The following KLF4 variants were observed in gnomAD, a reference collection of about 807,000 sequenced individuals.
KLF4 encodes the protein KLF transcription factor 4.
KLF4 carries 14 observed loss-of-function variants against 38.0 expected under a neutral mutation model. The ratio of observed to expected loss-of-function variants is 0.37; its 90% CI spans 0.24 to 0.58. The LOEUF is 0.58. KLF4 is among the 20% of genes least tolerant of loss of function. The pLI is 0.76. For missense variants in KLF4, 737 were observed against 670.1 expected (o/e 1.10, Z -1.10); for synonymous variants, 398 against 302.5 (o/e 1.32, Z -3.28).
chr9:107,488,531 C>A lies in KLF4; in HGVS notation c.127-264G>T. The A allele has an allele frequency of 1.8e-6, 1 of 552,572 alleles. No individual in the cohort carries two copies. The highest frequency in any genetic ancestry group is 2.7e-5 in the South Asian group (1 of 37,248). The allele number at this position is 552,572 out of a possible 1,614,324, so 34.2% of individuals were successfully genotyped here. Reference sequence around the variant, plus strand: ...AGCGCCGCGGCTGGTCCCTCCCCCTCCAGGTCCCGTGGACGTCCCCGGAAT... The same window carrying A: ...AGCGCCGCGGCTGGTCCCTCCCCCTACAGGTCCCGTGGACGTCCCCGGAAT... On this transcript the variant is annotated intron_variant, in intron 2 of 4. Transcript: ENST00000374672. This position sits in a 1 kb window ranked among gnomAD's most constrained non-coding sequence, Gnocchi z 5.7.
rs755471703 is a variant in KLF4 at position 107,487,955 on chromosome 9, T to C, written c.439A>G (p.Thr147Ala). ...CGGATCGGATAGGTGAAGCTGCAGG[T>C]GGAGGGCGCGCTGGCAGGGCCGCTG... The part of the protein sequence containing the change: ...SSSGPASAPS[T>A]CSFTYPIRAG... Residue 147 changes from threonine (T) to alanine (A), a missense_variant, in exon 3 of 5, where the codon ACC becomes GCC. By Grantham distance (58) the Thr-to-Ala change is moderately conservative (BLOSUM62 0). Coordinates refer to ENST00000374672, the MANE Select transcript of KLF4 (RefSeq NM_004235.6). The surrounding 1 kb of genome is among the most constrained non-coding windows in gnomAD (Gnocchi z 6.1). 3 of 1,582,934 alleles carry C rather than the reference T, an allele frequency of 1.9e-6. No individual in the cohort carries two copies. Among genetic ancestry groups the C allele is most frequent in the Admixed American group, 3.7e-5 (2 of 54,548 alleles).
At position 107,489,661 on chromosome 9, in the gene KLF4, G is replaced by A. The variant is rs1394788269; in HGVS notation, c.-489C>T. 1.7e-5 allele frequency: 2 copies of A among 120,420 alleles called. No individual in the cohort carries two copies. The highest frequency in any genetic ancestry group is 3.3e-5 in the Non-Finnish European group (2 of 60,950). The allele number at this position is 120,420 out of a possible 1,614,324, so 7.5% of individuals were successfully genotyped here. A position where few individuals can be genotyped will look rare whatever the true frequency, so the allele number is the denominator to read the frequency against. Reference sequence around the variant, plus strand: ...GCGGGTGGGAGGGTGGGGGGCCAGAGGGGCGGGGGAGGGTCACTCGGCGGC... The same window carrying A: ...GCGGGTGGGAGGGTGGGGGGCCAGAAGGGCGGGGGAGGGTCACTCGGCGGC... On this transcript the variant is annotated 5_prime_UTR_variant, in exon 1 of 5. Coordinates refer to ENST00000374672, the MANE Select transcript of KLF4 (RefSeq NM_004235.6).
rs563209530 is a variant in KLF4 at position 107,489,256 on chromosome 9, G to A, written c.-84C>T. 4 of 1,417,490 alleles carry A rather than the reference G, an allele frequency of 2.8e-6. No homozygotes were observed. Among genetic ancestry groups the A allele is most frequent in the South Asian group, 3.1e-5 (2 of 64,028 alleles). 87.8% of individuals were successfully genotyped at this position (1,417,490 alleles called of 1,614,324 possible). Reference sequence around the variant, plus strand: ...AAAGTCAACGAAGAGAAGAAACGAAGCCAAAACCCAAAACCCCAAATTGGC... The same window carrying A: ...AAAGTCAACGAAGAGAAGAAACGAAACCAAAACCCAAAACCCCAAATTGGC... On this transcript the variant is annotated 5_prime_UTR_variant, in exon 1 of 5. Transcript: ENST00000374672.
rs1829039808 is a variant in KLF4, at chr9:107,485,240, A to G, written c.*511T>C. On this transcript the variant is annotated 3_prime_UTR_variant, in exon 5 of 5. Coordinates refer to ENST00000374672, the MANE Select transcript of KLF4 (RefSeq NM_004235.6). The surrounding 1 kb of genome is among the most constrained non-coding windows in gnomAD (Gnocchi z 4.9). Reference sequence around the variant, plus strand: ...GAAAACTTTGGCTTCCTTGTTTGGTACCTTTAGAACCAAGACTCACCAAGC... The same window carrying G: ...GAAAACTTTGGCTTCCTTGTTTGGTGCCTTTAGAACCAAGACTCACCAAGC... The G allele has an allele frequency of 9.5e-6, 2 of 210,230 alleles. No homozygotes were observed. The highest frequency in any genetic ancestry group is 1.5e-4 in the East Asian group (2 of 13,646). The allele number at this position is 210,230 out of a possible 1,614,324, so 13.0% of individuals were successfully genotyped here. A position where few individuals can be genotyped will look rare whatever the true frequency, so the allele number is the denominator to read the frequency against.
At position 107,488,471 on chromosome 9, in the gene KLF4, G is replaced by A. The variant is rs1829129195; in HGVS notation, c.127-204C>T. 3.3e-6 allele frequency: 3 copies of A among 917,734 alleles called. No individual in the cohort carries two copies. The highest frequency in any genetic ancestry group is 3.2e-6 in the Non-Finnish European group (2 of 629,754). The allele number at this position is 917,734 out of a possible 1,614,324, so 56.8% of individuals were successfully genotyped here. A position where few individuals can be genotyped will look rare whatever the true frequency, so the allele number is the denominator to read the frequency against. On this transcript the variant is annotated intron_variant, in intron 2 of 4. Coordinates refer to ENST00000374672, the MANE Select transcript of KLF4 (RefSeq NM_004235.6). The surrounding 1 kb of genome is among the most constrained non-coding windows in gnomAD (Gnocchi z 5.7). ...AAGAGGTGATGCGTCTGTATTGCGG[G>A]TGTTATGTCCTGTCTGCCCAATTGC...
rs775264644 is a variant in KLF4 at position 107,487,620 on chromosome 9, G to C, written c.774C>G (p.Ser258Arg). ...TGTAGGGCGCCACCACCACCGGGTG[G>C]CTGCCGTCAGGGCTGCCTTTGCTGA... ...ISVSKGSPDG[S>R]HPVVVAPYNG... Residue 258 changes from serine to arginine, a missense_variant, in exon 3 of 5, where the codon AGC (serine) becomes AGG (arginine). This residue lies in a region of KLF4 where 695 missense variants were observed against 554.5 expected (regional missense o/e 1.25). Coordinates refer to ENST00000374672, the MANE Select transcript of KLF4 (RefSeq NM_004235.6). The surrounding 1 kb of genome is among the most constrained non-coding windows in gnomAD (Gnocchi z 6.1). The C allele has an allele frequency of 6.9e-6, 11 of 1,601,650 alleles. No homozygotes were observed. The highest frequency in any genetic ancestry group is 9.3e-6 in the Non-Finnish European group (11 of 1,178,064).
Position 107,487,068 on chromosome 9 carries a change from T to C in KLF4, c.1224A>G (p.Thr408=), listed in dbSNP as rs146202676. The C allele has an allele frequency of 1.2e-4, 200 of 1,614,128 alleles. 1 individual carries two copies. In the East Asian group the frequency reaches 4.4e-3, roughly 35 times the overall value. Residue 408 remains threonine (T), a synonymous_variant, in exon 4 of 5, where the codon ACA becomes ACG. Coordinates refer to ENST00000374672, the MANE Select transcript of KLF4 (RefSeq NM_004235.6). This position sits in a 1 kb window ranked among gnomAD's most constrained non-coding sequence, Gnocchi z 6.1. ...GGTGTGCCTTGAGATGGGAACTCTT[T>C]GTGTAGGTTTTGCCGCAGCCCGCGT... ...CDYAGCGKTY[T]KSSHLKAHLR...
At position 107,487,683 on chromosome 9, in the gene KLF4, G is replaced by A. The variant is rs374567472; in HGVS notation, c.711C>T (p.Ala237=). The change falls in exon 3 of 5, where the codon GCC becomes GCT. Residue 237 remains alanine (A), a synonymous_variant. Coordinates refer to ENST00000374672, the MANE Select transcript of KLF4 (RefSeq NM_004235.6). This position sits in a 1 kb window ranked among gnomAD's most constrained non-coding sequence, Gnocchi z 6.1. ...GKFVLKASLS[A]PGSEYGSPSV... is the part of the protein sequence containing the mutation. Reference sequence around the variant, plus strand: ...ACGGGCTGCCGTACTCGCTGCCAGGGGCGCTCAGCGACGCCTTCAGCACGA... The same window carrying A: ...ACGGGCTGCCGTACTCGCTGCCAGGAGCGCTCAGCGACGCCTTCAGCACGA... The A allele has an allele frequency of 4.4e-6, 7 of 1,605,264 alleles. No individual in the cohort carries two copies. The highest frequency in any genetic ancestry group is 5.1e-6 in the Non-Finnish European group (6 of 1,178,208).
At position 107,485,337 on chromosome 9, in the gene KLF4, T is replaced by TA. The variant is rs1829041512; in HGVS notation, c.*413_*414insT. On this transcript the variant is annotated 3_prime_UTR_variant, in exon 5 of 5. Transcript: ENST00000374672. This position sits in a 1 kb window ranked among gnomAD's most constrained non-coding sequence, Gnocchi z 4.9. ...TCCTCTTCTTCTAACATCATAATAA[T>TA]GGCTTTTAGAAGGTAAAGAGAATAC... is the stretch of plus-strand genomic sequence containing the variant. 8.7e-6 allele frequency: 2 copies of TA among 229,564 alleles called. No individual in the cohort carries two copies. Among genetic ancestry groups the TA allele is most frequent in the Non-Finnish European group, 1.7e-5 (2 of 116,082 alleles). 14.2% of individuals were successfully genotyped at this position (229,564 alleles called of 1,614,324 possible). A position where few individuals can be genotyped will look rare whatever the true frequency, so the allele number is the denominator to read the frequency against.
At chr9:107,486,364 G>T (rs757167776) in intron 4 of KLF4, among the ~76,000 whole-genome samples, 1 of 151,668 alleles carries the variant, frequency 6.6e-6, no homozygotes, top group Non-Finnish European at 1.5e-5. Context: ...TTACCTTTAC[G>T]TTACTGAATG....
Position 107,487,211 on chromosome 9 carries a change from G to C in KLF4, c.1100-19C>G. ...ATGAGCTCTAGGGGTGAAGAAGGTG[G>C]GGTGAGCATCATCCCGTGTGTCCCG... is the stretch of plus-strand genomic sequence containing the variant. On this transcript the variant is annotated intron_variant, in intron 3 of 4. Coordinates refer to ENST00000374672, the MANE Select transcript of KLF4 (RefSeq NM_004235.6). This position sits in a 1 kb window ranked among gnomAD's most constrained non-coding sequence, Gnocchi z 6.1. 6.2e-7 allele frequency: 1 copy of C among 1,612,938 alleles called. No individual in the cohort carries two copies. The highest frequency in any genetic ancestry group is 1.7e-4 in the Middle Eastern group (1 of 6,058).
chr9:107,487,197 G>C lies in KLF4; in HGVS notation c.1100-5C>G. On this transcript the variant is annotated splice_region_variant and splice_polypyrimidine_tract_variant and intron_variant, in intron 3 of 4. Transcript: ENST00000374672. The surrounding 1 kb of genome is among the most constrained non-coding windows in gnomAD (Gnocchi z 6.1). ...AGGAACCGGGTGGCATGAGCTCTAGGGGTGAAGAAGGTGGGGTGAGCATCA... is the reference window on the plus strand; with the variant it reads ...AGGAACCGGGTGGCATGAGCTCTAGCGGTGAAGAAGGTGGGGTGAGCATCA... 1 of 1,613,800 alleles carries C rather than the reference G, an allele frequency of 6.2e-7. No homozygotes were observed. The highest frequency in any genetic ancestry group is 1.1e-5 in the South Asian group (1 of 91,030).
rs779204455 is a variant in KLF4, at chr9:107,487,005, C to T, written c.1264+23G>A. On this transcript the variant is annotated intron_variant, in intron 4 of 4. Coordinates refer to ENST00000374672, the MANE Select transcript of KLF4 (RefSeq NM_004235.6). This position sits in a 1 kb window ranked among gnomAD's most constrained non-coding sequence, Gnocchi z 6.1. ...ATGGGGCTGGAAGCTAACCCCCCTC[C>T]CTTCTGCAGTTTGTCCCCCTACCTG... The T allele has an allele frequency of 5.6e-6, 9 of 1,614,046 alleles. No homozygotes were observed. The highest frequency in any genetic ancestry group is 7.6e-6 in the Non-Finnish European group (9 of 1,180,040).
Position 107,487,320 on chromosome 9 carries a change from C to A in KLF4, c.1074G>T (p.Pro358=), listed in dbSNP as rs746227010. ...YPSFLPDQMQ[P]QVPPLHYQEL... is the part of the protein sequence containing the mutation. The stretch of plus-strand genomic sequence containing the variant: ...CTTGGTAATGGAGCGGCGGGACTTG[C>A]GGCTGCATCTGATCGGGCAGGAAGG... Residue 358 remains proline, a synonymous_variant, in exon 3 of 5, where the codon CCG becomes CCT. Coordinates refer to ENST00000374672, the MANE Select transcript of KLF4 (RefSeq NM_004235.6). This position sits in a 1 kb window ranked among gnomAD's most constrained non-coding sequence, Gnocchi z 6.1. 2 of 1,568,216 alleles carry A rather than the reference C, an allele frequency of 1.3e-6. No homozygotes were observed. Among genetic ancestry groups the A allele is most frequent in the East Asian group, 2.2e-5 (1 of 44,474 alleles).
In KLF4 at chr9:107,489,040, C is replaced by T; in HGVS notation, c.16G>A (p.Gly6Ser). 1.9e-6 allele frequency: 3 copies of T among 1,556,348 alleles called. No individual in the cohort carries two copies. Among genetic ancestry groups the T allele is most frequent in the Non-Finnish European group, 2.6e-6 (3 of 1,149,466 alleles). Residue 6 changes from glycine (G) to serine (S), a missense_variant, in exon 2 of 5, where the codon GGC becomes AGC. Gly to Ser is a moderately conservative substitution (Grantham distance 56, BLOSUM62 0). Transcript: ENST00000374672. MRQPP[G>S]ESDMAVSDAL... ...TCGCTGACAGCCATGTCAGACTCGC[C>T]AGGTGGCTGCCTGCGAGCAAGGCAG...
rs563231177 is a variant in KLF4 at position 107,488,622 on chromosome 9, G to C, written c.126+308C>G. Among the ~76,000 whole-genome samples, 103 of 152,266 alleles carry C rather than the reference G, an allele frequency of 6.8e-4. No individual in the cohort carries two copies. Among genetic ancestry groups the C allele is most frequent in the Middle Eastern group, 6.8e-3 (2 of 294 alleles). ...CCGCCTACGCGCTAAACTCACTCTG[G>C]CCCAGCCAGTGTCTGGGGACGCGGC... On this transcript the variant is annotated intron_variant, in intron 2 of 4. Coordinates refer to ENST00000374672, the MANE Select transcript of KLF4 (RefSeq NM_004235.6). This position sits in a 1 kb window ranked among gnomAD's most constrained non-coding sequence, Gnocchi z 5.7.
rs565002478 is a variant in KLF4, at chr9:107,489,422, C to T, written c.-250G>A. ...CGAGTAAGTAGGTCCGGTGGCCGGG[C>T]TGCGCTCTCTTCCACTCAGCAGCGT... is the stretch of plus-strand genomic sequence containing the variant. On this transcript the variant is annotated 5_prime_UTR_variant, in exon 1 of 5. Coordinates refer to ENST00000374672, the MANE Select transcript of KLF4 (RefSeq NM_004235.6). 1 of 460,832 alleles carries T rather than the reference C, an allele frequency of 2.2e-6. No individual in the cohort carries two copies. Among genetic ancestry groups the T allele is most frequent in the Non-Finnish European group, 3.8e-6 (1 of 266,580 alleles). 28.5% of individuals were successfully genotyped at this position (460,832 alleles called of 1,614,324 possible).
intron 4 of KLF4, among the ~76,000 whole-genome samples, 155 bp downstream of exon 4, chr9:107,486,873 G>T (rs555689191): frequency 6.6e-6 from 1 of 152,178 alleles, no homozygotes; most frequent in African/African-American, 2.4e-5. Context: ...GCGATAGACT[G>T]CCCTGGGAAG....
At chr9:107,486,910 T>C in intron 4 of KLF4, 118 bp downstream of exon 4, 1 of 1,577,326 alleles carries the variant, frequency 6.3e-7, no homozygotes, top group Non-Finnish European at 8.6e-7. Flanking sequence ...GAGTGTCCAC[T>C]GGTAGCCTAT....
Sources: allele counts gnomAD v4.1 joint callset (sites outside exome capture counted in the v4.1 genomes callset), GRCh38; gene constraint gnomAD v4.1.1; regional missense constraint gnomAD v4.1.1; non-coding constraint Gnocchi (gnomAD v3.1); transcripts MANE v1.5; gene names NCBI Gene and HGNC (gene_info 2026-07-23, HGNC 2026-07-21).